Variants in HECW1 observed in about 807,000 individuals in gnomAD.
The protein encoded by HECW1 is HECT, C2 and WW domain containing E3 ubiquitin protein ligase 1, also known as E3 ubiquitin-protein ligase HECW1.
HECW1 carries 61 observed loss-of-function variants against 182.3 expected under a neutral mutation model. The ratio of observed to expected loss-of-function variants is 0.33; its 90% CI spans 0.27 to 0.41. The LOEUF (loss-of-function observed/expected upper bound fraction) is 0.41. HECW1 is among the 10% of genes least tolerant of loss of function. The pLI is 1.00. For missense variants in HECW1, 1,739 were observed against 2,108.9 expected (o/e 0.82, Z 3.44); for synonymous variants, 859 against 832.6 (o/e 1.03, Z -0.55).
intron 28 of HECW1, among the ~76,000 whole-genome samples, chr7:43,553,867 T>C (rs1020551838): frequency 2.6e-5 from 4 of 152,182 alleles, no homozygotes; most frequent in African/African-American, 9.7e-5. Context: ...GCACAAGCCC[T>C]TTGCACGCTG....
intron 24 of HECW1, among the ~76,000 whole-genome samples, chr7:43,523,640 GA>G (rs1348772893): frequency 2.6e-5 from 4 of 151,922 alleles, no homozygotes; most frequent in Non-Finnish European, 5.9e-5. Flanking sequence ...ACGCCATCTC[GA>G]AAAAAAGAAA....
intron 2 of HECW1, among the ~76,000 whole-genome samples, chr7:43,131,501 T>A (rs1562578414): frequency 6.6e-6 from 1 of 152,192 alleles, no homozygotes; most frequent in Non-Finnish European, 1.5e-5. Context: ...AAACATTGAA[T>A]TGATTAATAC....
chr7:43,516,678 A>AG (rs1260689985), intron 24 of HECW1, among the ~76,000 whole-genome samples: 1 of 152,246 alleles, frequency 6.6e-6, no homozygotes, highest in East Asian at 1.9e-4. Context: ...TCTTAAGTAC[A>AG]GTCATGTGTC....
chr7:43,323,709 G>A (rs1479100975), intron 5 of HECW1, among the ~76,000 whole-genome samples: 1 of 152,026 alleles, frequency 6.6e-6, no homozygotes, highest in Non-Finnish European at 1.5e-5. Flanking sequence ...ATTCAAACTT[G>A]GTCAAGCAGC....
At chr7:43,496,478 A>C (rs948607282) in intron 19 of HECW1, among the ~76,000 whole-genome samples, 2 of 152,106 alleles carry the variant, frequency 1.3e-5, no homozygotes, top group African/African-American at 2.4e-5. Context: ...CAAGCTTAAG[A>C]GATGCAGGAA....
intron 5 of HECW1, among the ~76,000 whole-genome samples, chr7:43,328,383 T>G (rs534345475): frequency 2.0e-5 from 3 of 152,312 alleles, no homozygotes; most frequent in South Asian, 2.1e-4. Context: ...ATATCCACCT[T>G]CAGCAATCCC....
chr7:43,335,015 A>G (rs1310619550), intron 5 of HECW1, among the ~76,000 whole-genome samples: 7 of 152,246 alleles, frequency 4.6e-5, no homozygotes, highest in African/African-American at 1.7e-4. Context: ...GGTGAAAATT[A>G]AACACTTAAA....
chr7:43,505,955 T>A (rs2079561540), intron 21 of HECW1, among the ~76,000 whole-genome samples: 1 of 152,238 alleles, frequency 6.6e-6, no homozygotes, highest in African/African-American at 2.4e-5. Flanking sequence ...TAAATGGTTA[T>A]TGAATGGGCA....
At chr7:43,248,580 C>A (rs1196633501) in intron 3 of HECW1, 1 of 152,398 alleles carries the variant, frequency 6.6e-6, no homozygotes, top group Non-Finnish European at 1.5e-5. Flanking sequence ...TGCAGTTTGT[C>A]ATCCTGACAC....
intron 5 of HECW1, among the ~76,000 whole-genome samples, chr7:43,333,678 G>A (rs1811775078): frequency 6.6e-6 from 1 of 152,178 alleles, no homozygotes; most frequent in South Asian, 2.1e-4. Flanking sequence ...TATGCTGAAG[G>A]ACAGCAGCCA....
intron 2 of HECW1, among the ~76,000 whole-genome samples, chr7:43,132,356 A>G (rs17708960): frequency 0.15 from 22,176 of 152,242 alleles, 2,025 homozygotes; most frequent in Middle Eastern, 0.28. Flanking sequence ...CTTCACACTT[A>G]CTAATAGGGA....
chr7:43,223,033 T>A (rs1375045898), intron 2 of HECW1, among the ~76,000 whole-genome samples: 1 of 152,232 alleles, frequency 6.6e-6, no homozygotes, highest in Non-Finnish European at 1.5e-5. Flanking sequence ...TTGTTTTTCT[T>A]CTCCAAACCT....
chr7:43,143,926 G>T (rs1006267306), intron 2 of HECW1, among the ~76,000 whole-genome samples: 16 of 152,182 alleles, frequency 1.1e-4, no homozygotes, highest in Non-Finnish European at 1.0e-4. Flanking sequence ...TCCTGGTCAA[G>T]ATTTGACCTG....
Position 43,562,508 on chromosome 7 carries a change from T to C in HECW1, c.*582T>C, listed in dbSNP as rs112198088. 518 of 228,280 alleles carry C rather than the reference T, an allele frequency of 2.3e-3. 2 individuals are homozygous for C. Among genetic ancestry groups the C allele is most frequent in the African/African-American group, 0.011 (488 of 45,130 alleles). 14.1% of individuals were successfully genotyped at this position (228,280 alleles called of 1,614,324 possible). Reference sequence around the variant, plus strand: ...ATACATTCAACTCATGATTCACATGTGGCATCAGTCCCATCAGCCGGAACT... The same window carrying C: ...ATACATTCAACTCATGATTCACATGCGGCATCAGTCCCATCAGCCGGAACT... On this transcript the variant is annotated 3_prime_UTR_variant, in exon 30 of 30. Transcript: ENST00000395891.
intron 24 of HECW1, among the ~76,000 whole-genome samples, chr7:43,523,819 A>C (rs1392411795): frequency 6.6e-6 from 1 of 152,088 alleles, no homozygotes; most frequent in Non-Finnish European, 1.5e-5. Flanking sequence ...AGTGGGGTGT[A>C]AGGAGGCAAG....
At chr7:43,189,774 A>G (rs1360878788) in intron 2 of HECW1, among the ~76,000 whole-genome samples, 2 of 152,222 alleles carry the variant, frequency 1.3e-5, no homozygotes, top group Non-Finnish European at 2.9e-5. Flanking sequence ...ATGGAAGTTG[A>G]TAACAAGACT....
chr7:43,255,443 A>G (rs1181391778), intron 3 of HECW1, among the ~76,000 whole-genome samples: 1 of 152,094 alleles, frequency 6.6e-6, no homozygotes, highest in East Asian at 1.9e-4. Flanking sequence ...TACCAAAAAT[A>G]CAAAAATTAG....
At chr7:43,321,918 C>G (rs75631973) in intron 5 of HECW1, among the ~76,000 whole-genome samples, 2,585 of 152,318 alleles carry the variant, frequency 0.017, 65 homozygotes, top group African/African-American at 0.057. Context: ...GGCAATGACA[C>G]CAATAGCTCT....
intron 8 of HECW1, among the ~76,000 whole-genome samples, chr7:43,422,064 G>GCGT (rs2152857732): frequency 6.6e-6 from 1 of 152,136 alleles, no homozygotes; most frequent in East Asian, 1.9e-4. Context: ...AAACAGTACA[G>GCGT]CGAGCTCAGG....
Sources: allele counts gnomAD v4.1 joint callset (sites outside exome capture counted in the v4.1 genomes callset), GRCh38; gene constraint gnomAD v4.1.1; transcripts MANE v1.5; gene names NCBI Gene and HGNC (gene_info 2026-07-23, HGNC 2026-07-21).